The following ERGIC2 variants were observed in gnomAD, a reference collection of about 807,000 sequenced individuals.
The protein encoded by ERGIC2 is ERGIC and golgi 2.
A neutral mutation model predicts 52.5 loss-of-function variants in ERGIC2; 31 were observed. The ratio of observed to expected loss-of-function variants is 0.59; its 90% confidence interval spans 0.44 to 0.80. ERGIC2 has a LOEUF of 0.80. ERGIC2 is among the 30% of genes least tolerant of loss of function. The probability of loss-of-function intolerance (pLI) is 0.00; values close to 1 mark genes in which losing one functional copy is unlikely to be tolerated. For synonymous variants in ERGIC2, 129 were observed against 140.6 expected (o/e 0.92, Z 0.58); for missense variants, 395 against 455.2 (o/e 0.87, Z 1.20).
Position 29,380,821 on chromosome 12 carries a change from G to T in ERGIC2, c.-38+294C>A, listed in dbSNP as rs1940578270. 2.0e-5 allele frequency: 3 copies of T among 152,326 alleles called. No individual in the cohort carries two copies. The South Asian group carries it at 6.2e-4, about 32-fold the overall frequency. The allele number at this position is 152,326 out of a possible 1,614,324, so 9.4% of individuals were successfully genotyped here. A position where few individuals can be genotyped will look rare whatever the true frequency, so the allele number is the denominator to read the frequency against. ...GAACCGGGCACTGTGACAAGCAAAGGGTCAGAATCAGGTGCGATCGAGGAA... is the reference window on the plus strand; with the variant it reads ...GAACCGGGCACTGTGACAAGCAAAGTGTCAGAATCAGGTGCGATCGAGGAA... On this transcript the variant is annotated intron_variant, in intron 1 of 13. Coordinates refer to ENST00000360150, the MANE Select transcript of ERGIC2 (RefSeq NM_016570.3).
At chr12:29,359,704 C>T (rs1940256816) in intron 6 of ERGIC2, among the ~76,000 whole-genome samples, 1 of 151,314 alleles carries the variant, frequency 6.6e-6, no homozygotes, top group Non-Finnish European at 1.5e-5. Context: ...CACCCACATT[C>T]AAGTGGTGAA....
chr12:29,373,943 AG>A (rs1052384200), intron 1 of ERGIC2, among the ~76,000 whole-genome samples: 83 of 152,288 alleles, frequency 5.5e-4, no homozygotes, highest in African/African-American at 1.9e-3. Context: ...GTACCTTTTT[AG>A]TAGTAACTGC....
At chr12:29,348,475 T>C (rs1384222940) in intron 10 of ERGIC2, among the ~76,000 whole-genome samples, 1 of 152,004 alleles carries the variant, frequency 6.6e-6, no homozygotes, top group Non-Finnish European at 1.5e-5. Flanking sequence ...CAGACTACTT[T>C]CTAAAAAACT....
chr12:29,366,806 G>A, intron 5 of ERGIC2, 71 bp downstream of exon 5: 1 of 785,198 alleles, frequency 1.3e-6, no homozygotes, highest in Non-Finnish European at 2.0e-6. Context: ...AAAACTAAAA[G>A]CAACTATCTG....
chr12:29,345,691 ACTGCTTGAGTGTGGGAGT>A, intron 10 of ERGIC2, 151 bp from the exon 11 acceptor site: 1 of 620,218 alleles, frequency 1.6e-6, no homozygotes, highest in Non-Finnish European at 2.9e-6. Context: ...ACGAAGGAGG[ACTGCTTGAGTGTGGGAGT>A]TCAAGAACAG....
intron 12 of ERGIC2, 114 bp downstream of exon 12, chr12:29,343,006 G>T (rs1949849756): frequency 3.7e-6 from 3 of 809,280 alleles, no homozygotes; most frequent in Non-Finnish European, 3.7e-6. Flanking sequence ...TAAAGCAAAA[G>T]CTATTTAAAC....
chr12:29,378,284 A>G (rs1940541232), intron 1 of ERGIC2, among the ~76,000 whole-genome samples: 1 of 152,196 alleles, frequency 6.6e-6, no homozygotes, highest in Non-Finnish European at 1.5e-5. Context: ...AGCCAGGAAG[A>G]GTCAAAGAAG....
chr12:29,355,843 A>T (rs1940195068), intron 8 of ERGIC2, among the ~76,000 whole-genome samples: 1 of 152,178 alleles, frequency 6.6e-6, no homozygotes, highest in Non-Finnish European at 1.5e-5. Context: ...CAGTTACTTT[A>T]ATATACAAAA....
chr12:29,346,209 G>T (rs1057241944), intron 10 of ERGIC2, among the ~76,000 whole-genome samples: 47 of 144,574 alleles, frequency 3.3e-4, no homozygotes, highest in African/African-American at 1.2e-3. Context: ...TTTTTTTTGA[G>T]ATAGGGTCTC....
intron 12 of ERGIC2, among the ~76,000 whole-genome samples, chr12:29,342,098 C>A (rs1285042297): frequency 2.6e-5 from 4 of 152,128 alleles, no homozygotes; most frequent in African/African-American, 9.7e-5. Flanking sequence ...CTGCAACCTC[C>A]ACCTCCCAGC....
chr12:29,344,893 G>A (rs1940025070), intron 11 of ERGIC2, among the ~76,000 whole-genome samples: 1 of 152,026 alleles, frequency 6.6e-6, no homozygotes, highest in Non-Finnish European at 1.5e-5. Context: ...CCAAAACTTT[G>A]CTCATCACTG....
intron 8 of ERGIC2, among the ~76,000 whole-genome samples, chr12:29,353,783 GC>G (rs1369729452): frequency 6.6e-6 from 1 of 151,370 alleles, no homozygotes; most frequent in Non-Finnish European, 1.5e-5. Context: ...GCATAAGTGA[GC>G]ATCTTCTTCA....
intron 1 of ERGIC2, among the ~76,000 whole-genome samples, chr12:29,372,178 C>A (rs1940450336): frequency 6.6e-6 from 1 of 151,988 alleles, no homozygotes; most frequent in East Asian, 1.9e-4. Context: ...CCCATCTCTA[C>A]TAAAAATACA....
Position 29,357,657 on chromosome 12 carries a change from C to T in ERGIC2, c.442G>A (p.Ala148Thr), listed in dbSNP as rs1940226938. 6.2e-7 allele frequency: 1 copy of T among 1,600,450 alleles called. No individual in the cohort carries two copies. The highest frequency in any genetic ancestry group is 1.3e-5 in the African/African-American group (1 of 74,616). The change falls in exon 7 of 14, where the codon GCT becomes ACT. Residue 148 changes from alanine (A) to threonine (T), a missense_variant. Physicochemically the swap from Ala to Thr is moderately conservative, Grantham distance 58. Transcript: ENST00000360150. ...AGAGCTGTTGATGTACTTTTAAAAG[C>T]ACTTTTAAATATCACATCTTGAAGT... ...HSLQDVIFKSAFKSTSTALPP... is the reference protein window; with the variant it reads ...HSLQDVIFKSTFKSTSTALPP...
intron 4 of ERGIC2, 118 bp downstream of exon 4, chr12:29,368,123 T>G (rs1940390005): frequency 1.5e-6 from 1 of 683,362 alleles, no homozygotes. Context: ...AATACCACAG[T>G]AAAACTTTAA....
At chr12:29,371,395 G>A in intron 2 of ERGIC2, 133 bp downstream of exon 2, 1 of 581,564 alleles carries the variant, frequency 1.7e-6, no homozygotes, top group Non-Finnish European at 3.0e-6. Context: ...GTGGCATGAA[G>A]ACAGACAAGT....
intron 6 of ERGIC2, among the ~76,000 whole-genome samples, chr12:29,361,055 T>C (rs1940278422): frequency 1.3e-5 from 2 of 152,182 alleles, no homozygotes; most frequent in Admixed American, 1.3e-4. Flanking sequence ...AAGACCAGCC[T>C]AGTCAACATG....
chr12:29,354,749 A>G (rs528984887), intron 8 of ERGIC2, among the ~76,000 whole-genome samples: 19 of 152,282 alleles, frequency 1.2e-4, no homozygotes, highest in African/African-American at 4.6e-4. Context: ...AAGACCAAAA[A>G]CAAATTTTAA....
intron 8 of ERGIC2, among the ~76,000 whole-genome samples, chr12:29,352,938 T>C (rs761016899): frequency 1.3e-5 from 2 of 152,182 alleles, no homozygotes; most frequent in East Asian, 1.9e-4. Context: ...CAATCCTGCT[T>C]TACCCAGTTA....
Sources: allele counts gnomAD v4.1 joint callset (sites outside exome capture counted in the v4.1 genomes callset), GRCh38; gene constraint gnomAD v4.1.1; transcripts MANE v1.5; gene names NCBI Gene and HGNC (gene_info 2026-07-23, HGNC 2026-07-21).